The following LSAMP variants were observed in gnomAD, a reference collection of about 807,000 sequenced individuals.
LSAMP encodes limbic system-associated membrane protein.
Under a neutral mutation model 38.6 loss-of-function variants are expected in LSAMP, and 7 were observed. That is an observed-to-expected ratio of 0.18 (90% CI 0.10 to 0.34). LSAMP has a LOEUF of 0.34. Ranked by LOEUF, LSAMP falls within the 10% of genes least tolerant of loss-of-function variation. The pLI is 1.00. For missense variants in LSAMP, 313 were observed against 420.0 expected, an observed-to-expected ratio of 0.75 and a Z score of 2.23; for synonymous variants, 154 against 166.8, an observed-to-expected ratio of 0.92 and a Z score of 0.59.
At chr3:115,853,349 G>T (rs1272691033) in intron 3 of LSAMP, among the ~76,000 whole-genome samples, 2 of 152,196 alleles carry the variant, frequency 1.3e-5, no homozygotes, top group Admixed American at 1.3e-4. Context: ...AGAATGTGCT[G>T]CTGATGGTGT....
intron 3 of LSAMP, among the ~76,000 whole-genome samples, chr3:115,917,931 A>G (rs1033451223): frequency 6.6e-6 from 1 of 152,164 alleles, no homozygotes; most frequent in Non-Finnish European, 1.5e-5. Flanking sequence ...ACATACTATT[A>G]TTTTCTGAAA....
intron 1 of LSAMP, among the ~76,000 whole-genome samples, chr3:116,125,771 C>T (rs961374450): frequency 1.3e-5 from 2 of 152,092 alleles, no homozygotes; most frequent in Non-Finnish European, 2.9e-5. Context: ...AAAGACTCAG[C>T]AGAGTGTACA....
intron 2 of LSAMP, among the ~76,000 whole-genome samples, chr3:116,074,844 C>CTTTTTTT (rs1161460100): frequency 2.3e-5 from 3 of 128,402 alleles, no homozygotes; most frequent in African/African-American, 3.1e-5. Flanking sequence ...TTTCTTTATT[C>CTTTTTTT]TTTTTTTTTT....
chr3:115,900,012 G>T (rs1325691923), intron 3 of LSAMP, among the ~76,000 whole-genome samples: 1 of 152,128 alleles, frequency 6.6e-6, no homozygotes, highest in African/African-American at 2.4e-5. Flanking sequence ...CCTCACAGTG[G>T]TGCTGTAAGC....
chr3:116,120,014 A>G (rs907506971), intron 1 of LSAMP, among the ~76,000 whole-genome samples: 1 of 152,198 alleles, frequency 6.6e-6, no homozygotes, highest in African/African-American at 2.4e-5. Context: ...TGTTCCACAT[A>G]ATATTTTCAA....
intron 1 of LSAMP, among the ~76,000 whole-genome samples, chr3:116,212,925 C>T (rs958818041): frequency 6.6e-6 from 1 of 152,106 alleles, no homozygotes; most frequent in South Asian, 2.1e-4. Flanking sequence ...AAGGTGTAAT[C>T]TGAGTAAAAA....
At chr3:116,200,193 A>C (rs1357939691) in intron 1 of LSAMP, among the ~76,000 whole-genome samples, 1 of 152,148 alleles carries the variant, frequency 6.6e-6, no homozygotes, top group Non-Finnish European at 1.5e-5. Context: ...TGAACAGTTC[A>C]TACGAAATGC....
chr3:116,067,023 T>A (rs1441633796), intron 2 of LSAMP, among the ~76,000 whole-genome samples: 5 of 152,158 alleles, frequency 3.3e-5, no homozygotes, highest in African/African-American at 1.2e-4. Flanking sequence ...AGCTTAGAAG[T>A]TCATTTATCT....
chr3:115,894,315 G>A (rs1246896099), intron 3 of LSAMP, among the ~76,000 whole-genome samples: 1 of 151,872 alleles, frequency 6.6e-6, no homozygotes, highest in Non-Finnish European at 1.5e-5. Context: ...CCTTCTATTA[G>A]CATTTTTGTC....
At chr3:116,398,754 C>A (rs1472598009) in intron 1 of LSAMP, among the ~76,000 whole-genome samples, 1 of 152,144 alleles carries the variant, frequency 6.6e-6, no homozygotes, top group African/African-American at 2.4e-5. Flanking sequence ...TATTAAGAAT[C>A]TATAGGTACC....
chr3:116,262,354 T>C (rs566951023), intron 1 of LSAMP, among the ~76,000 whole-genome samples: 57 of 152,272 alleles, frequency 3.7e-4, no homozygotes, highest in Non-Finnish European at 6.9e-4. Flanking sequence ...TGTGAGAACA[T>C]TTTAGTCTTC....
chr3:116,203,908 A>G (rs1360368177), intron 1 of LSAMP, among the ~76,000 whole-genome samples: 1 of 152,192 alleles, frequency 6.6e-6, no homozygotes, highest in Non-Finnish European at 1.5e-5. Flanking sequence ...TCCCTTGGGT[A>G]TATACCCAGT....
chr3:115,882,012 G>A (rs563135099), intron 3 of LSAMP, among the ~76,000 whole-genome samples: 1 of 152,230 alleles, frequency 6.6e-6, no homozygotes, highest in South Asian at 2.1e-4. Context: ...ATTAATGATA[G>A]ACTGTTTCAA....
Position 116,204,883 on chromosome 3 carries a change from G to A in LSAMP, c.156-118327C>T, listed in dbSNP as rs1440782383. Among the ~76,000 whole-genome samples, 5 of 141,400 alleles carry A rather than the reference G, an allele frequency of 3.5e-5. No homozygotes were observed. In the East Asian group the frequency reaches 6.5e-4, roughly 18 times the overall value. The allele number at this position is 141,400 out of a possible 152,430, so 92.8% of individuals were successfully genotyped here. A position where few individuals can be genotyped will look rare whatever the true frequency, so the allele number is the denominator to read the frequency against. The stretch of plus-strand genomic sequence containing the variant: ...TGGCTTAGGATTGCCTTGGCGATGA[G>A]GGCTCTTTTTTGGTTCCATATGAAC... On this transcript the variant is annotated intron_variant, in intron 1 of 6. Transcript: ENST00000490035.
chr3:116,163,530 A>C (rs1709953388), intron 1 of LSAMP, among the ~76,000 whole-genome samples: 1 of 151,758 alleles, frequency 6.6e-6, no homozygotes, highest in Non-Finnish European at 1.5e-5. Flanking sequence ...GTGCCGCAAT[A>C]AACATACGTG....
chr3:115,853,581 A>G (rs922269629), intron 3 of LSAMP, among the ~76,000 whole-genome samples: 4 of 152,200 alleles, frequency 2.6e-5, no homozygotes, highest in Non-Finnish European at 5.9e-5. Flanking sequence ...GGAGAGAGAA[A>G]TAAGGAAGAA....
At chr3:115,921,837 A>C (rs1937390003) in intron 3 of LSAMP, among the ~76,000 whole-genome samples, 1 of 152,068 alleles carries the variant, frequency 6.6e-6, no homozygotes, top group African/African-American at 2.4e-5. Flanking sequence ...TTCTTTACTG[A>C]TAGGATTTTT....
At chr3:115,896,718 C>T (rs1464830596) in intron 3 of LSAMP, among the ~76,000 whole-genome samples, 1 of 152,068 alleles carries the variant, frequency 6.6e-6, no homozygotes, top group African/African-American at 2.4e-5. Flanking sequence ...TTCTACTGTT[C>T]TCCTCATTTT....
At chr3:116,201,038 C>G (rs1343760753) in intron 1 of LSAMP, among the ~76,000 whole-genome samples, 4 of 152,192 alleles carry the variant, frequency 2.6e-5, no homozygotes, top group Admixed American at 6.5e-5. Context: ...GTGAGGAGCA[C>G]GCTTAGCCAA....
Sources: allele counts gnomAD v4.1 joint callset (sites outside exome capture counted in the v4.1 genomes callset), GRCh38; gene constraint gnomAD v4.1.1; transcripts MANE v1.5; gene names NCBI Gene and HGNC (gene_info 2026-07-23, HGNC 2026-07-21).